Variants in ZFYVE28 observed in about 807,000 individuals in gnomAD.
The protein encoded by ZFYVE28 is lateral signaling target protein 2 homolog.
A neutral mutation model predicts 82.1 loss-of-function variants in ZFYVE28; 40 were observed. That is an observed-to-expected ratio of 0.49 (90% CI 0.38 to 0.63). ZFYVE28 has a LOEUF of 0.63. ZFYVE28 is among the 30% of genes least tolerant of loss of function. The probability of loss-of-function intolerance (pLI) is 0.00; values close to 1 mark genes in which losing one functional copy is unlikely to be tolerated. For synonymous variants in ZFYVE28, 612 were observed against 546.1 expected (o/e 1.12, Z -1.68); for missense variants, 1,321 against 1,242.1 (o/e 1.06, Z -0.96).
At chr4:2,359,475 G>A (rs1020381473) in intron 1 of ZFYVE28, among the ~76,000 whole-genome samples, 5 of 152,132 alleles carry the variant, frequency 3.3e-5, no homozygotes, top group South Asian at 2.1e-4. Context: ...AGGTCATCAG[G>A]GCGGGCCCTA....
intron 1 of ZFYVE28, among the ~76,000 whole-genome samples, chr4:2,405,212 G>A (rs1167443216): frequency 1.3e-5 from 2 of 152,216 alleles, no homozygotes; most frequent in African/African-American, 4.8e-5. Flanking sequence ...GCCTTCAGGA[G>A]AGAAGCCATG....
At chr4:2,302,824 T>TA (rs1168405923) in intron 8 of ZFYVE28, among the ~76,000 whole-genome samples, 1 of 152,230 alleles carries the variant, frequency 6.6e-6, no homozygotes, top group Non-Finnish European at 1.5e-5. Context: ...TGGTGGCCCT[T>TA]ACAGACGTTA....
At chr4:2,352,821 G>A (rs944219814) in intron 2 of ZFYVE28, among the ~76,000 whole-genome samples, 1 of 152,192 alleles carries the variant, frequency 6.6e-6, no homozygotes, top group Non-Finnish European at 1.5e-5. Flanking sequence ...CACAGAGCAT[G>A]TAAAGGGAAC....
intron 8 of ZFYVE28, among the ~76,000 whole-genome samples, chr4:2,297,177 C>T (rs1360157352): frequency 6.6e-6 from 1 of 152,268 alleles, no homozygotes; most frequent in South Asian, 2.1e-4. Flanking sequence ...CAGCTACAAC[C>T]TGCCCTCCTC....
chr4:2,367,921 G>A (rs1333275193), intron 1 of ZFYVE28, among the ~76,000 whole-genome samples: 3 of 152,166 alleles, frequency 2.0e-5, no homozygotes, highest in Non-Finnish European at 2.9e-5. Flanking sequence ...CATGCCAGGT[G>A]CCCTCCCCTT....
At chr4:2,390,970 A>G (rs1729755360) in intron 1 of ZFYVE28, among the ~76,000 whole-genome samples, 1 of 152,196 alleles carries the variant, frequency 6.6e-6, no homozygotes, top group African/African-American at 2.4e-5. Context: ...CTGGCTGCCA[A>G]GCTTCACAGC....
intron 6 of ZFYVE28, among the ~76,000 whole-genome samples, chr4:2,331,278 T>C (rs1720668249): frequency 6.6e-6 from 1 of 151,670 alleles, no homozygotes; most frequent in Admixed American, 6.6e-5. Flanking sequence ...GGCAGGTCTG[T>C]GCTGATGGGG....
At chr4:2,365,614 C>T (rs886167430) in intron 1 of ZFYVE28, among the ~76,000 whole-genome samples, 6 of 152,152 alleles carry the variant, frequency 3.9e-5, no homozygotes, top group Non-Finnish European at 8.8e-5. Flanking sequence ...GGCAAAGGCT[C>T]CCGCTCCGGC....
At chr4:2,289,437 C>A (rs770428923) in intron 8 of ZFYVE28, among the ~76,000 whole-genome samples, 3 of 152,174 alleles carry the variant, frequency 2.0e-5, no homozygotes, top group Non-Finnish European at 4.4e-5. Flanking sequence ...CACAGCCTCC[C>A]CAAAGTGAGG....
intron 8 of ZFYVE28, among the ~76,000 whole-genome samples, chr4:2,275,981 GCCAACGCGCACGAAT>G (rs1407014681): frequency 6.6e-6 from 1 of 152,312 alleles, no homozygotes; most frequent in Admixed American, 6.5e-5. Flanking sequence ...CCACAGCCCC[GCCAACGCGCACGAAT>G]CCCACGTGGC....
intron 1 of ZFYVE28, among the ~76,000 whole-genome samples, chr4:2,413,984 C>A (rs1732779900): frequency 6.6e-6 from 1 of 152,262 alleles, no homozygotes; most frequent in South Asian, 2.1e-4. Context: ...AAAAGGAGGA[C>A]TGGGCTGCGC....
At position 2,339,620 on chromosome 4, in the gene ZFYVE28, C is replaced by T. The variant is rs143545193; in HGVS notation, c.354G>A (p.Glu118=). ...GCGGGCGCATGGCCATGCTCTCCAG[C>T]TCCCGGTTCATGATGATGGAGCCGG... ...LAAGSIIMNR[E]LESMAMRPLA... is the part of the protein sequence containing the mutation. Residue 118 remains glutamate, a synonymous_variant, in exon 4 of 13, where the codon GAG becomes GAA. Transcript: ENST00000290974. The surrounding 1 kb of genome is among the most constrained non-coding windows in gnomAD (Gnocchi z 5.0). 1.2e-6 allele frequency: 2 copies of T among 1,610,092 alleles called. No homozygotes were observed. Among genetic ancestry groups the T allele is most frequent in the Admixed American group, 3.4e-5 (2 of 59,580 alleles).
At chr4:2,377,469 T>G (rs1728282971) in intron 1 of ZFYVE28, among the ~76,000 whole-genome samples, 1 of 152,244 alleles carries the variant, frequency 6.6e-6, no homozygotes, top group East Asian at 1.9e-4. Flanking sequence ...TTCTTGCTGA[T>G]GTACATCTTA....
Position 2,408,792 on chromosome 4 carries a change from C to G in ZFYVE28, c.39+9493G>C, listed in dbSNP as rs57499870. Reference sequence around the variant, plus strand: ...TGAGTCCTGCCCATATAAGCCCCACCTAGATGAAGCCACGCCCAGGTGAGC... The same window carrying G: ...TGAGTCCTGCCCATATAAGCCCCACGTAGATGAAGCCACGCCCAGGTGAGC... On this transcript the variant is annotated intron_variant, in intron 1 of 12. Transcript: ENST00000290974. The surrounding 1 kb of genome is among the most constrained non-coding windows in gnomAD (Gnocchi z 4.3). Among the ~76,000 whole-genome samples the G allele has an allele frequency of 0.077, 11,682 of 152,230 alleles. 1,471 individuals are homozygous for G. Among genetic ancestry groups the G allele is most frequent in the African/African-American group, 0.26 (10,874 of 41,500 alleles).
chr4:2,351,040 T>C (rs1275512737), intron 2 of ZFYVE28, among the ~76,000 whole-genome samples: 7 of 151,946 alleles, frequency 4.6e-5, no homozygotes, highest in Admixed American at 3.3e-4. Flanking sequence ...CAGAAGGGGG[T>C]CATGGGAGCC....
At chr4:2,347,809 G>C (rs1250455659) in intron 2 of ZFYVE28, among the ~76,000 whole-genome samples, 1 of 152,020 alleles carries the variant, frequency 6.6e-6, no homozygotes, top group African/African-American at 2.4e-5. Context: ...ACCTAAATTA[G>C]AAAAGAAGAA....
chr4:2,409,319 A>C lies in ZFYVE28; in HGVS notation c.39+8966T>G. Among the ~76,000 whole-genome samples, 1 of 132,978 alleles carries C rather than the reference A, an allele frequency of 7.5e-6. No individual in the cohort carries two copies. The highest frequency in any genetic ancestry group is 2.9e-5 in the African/African-American group (1 of 34,070). The allele number at this position is 132,978 out of a possible 152,430, so 87.2% of individuals were successfully genotyped here. On this transcript the variant is annotated intron_variant, in intron 1 of 12. Transcript: ENST00000290974. This position sits in a 1 kb window ranked among gnomAD's most constrained non-coding sequence, Gnocchi z 4.4. ...CCATCCTCTCGCTGGAATCCCCGCC[A>C]CCCACCAGTCCCAGCTTCCAATCTC...
In ZFYVE28 at chr4:2,304,523, G is replaced by T. The variant is rs752787096; in HGVS notation, c.1817C>A (p.Ala606Asp). 6.2e-7 allele frequency: 1 copy of T among 1,612,464 alleles called. No individual in the cohort carries two copies. Among genetic ancestry groups the T allele is most frequent in the Admixed American group, 1.7e-5 (1 of 59,990 alleles). ...GGGCGCCTCCTCCTGTCTCTCAGGGGCCCTGTCGCTGGCCTTGGCTAAGCC... is the reference window on the plus strand; with the variant it reads ...GGGCGCCTCCTCCTGTCTCTCAGGGTCCCTGTCGCTGGCCTTGGCTAAGCC... ...AAGLAKASDR[A>D]PERQEEAPPP... Residue 606 changes from alanine to aspartate, a missense_variant, in exon 8 of 13, where the codon GCC becomes GAC. Ala to Asp is a moderately radical substitution (Grantham distance 126). Transcript: ENST00000290974.
intron 1 of ZFYVE28, among the ~76,000 whole-genome samples, chr4:2,389,443 G>T (rs939323962): frequency 6.6e-6 from 1 of 152,192 alleles, no homozygotes; most frequent in Non-Finnish European, 1.5e-5. Context: ...CACATGAGGA[G>T]GCTCAGCCTG....
Sources: gnomAD v4.1 joint callset for allele counts (sites outside exome capture counted in the v4.1 genomes callset) on GRCh38, gnomAD v4.1.1 for gene constraint, Gnocchi (gnomAD v3.1) non-coding constraint, MANE v1.5 for transcripts, NCBI Gene and HGNC (gene_info 2026-07-23, HGNC 2026-07-21) for gene names.